Variants in CDH18 observed in about 807,000 individuals in gnomAD.
The protein encoded by CDH18 is cadherin 18.
CDH18 carries 31 observed loss-of-function variants against 67.9 expected under a neutral mutation model. The ratio of observed to expected loss-of-function variants is 0.46; its 90% CI spans 0.34 to 0.62. The LOEUF is 0.62. Ranked by LOEUF, CDH18 falls within the 20% of genes least tolerant of loss-of-function variation. The pLI is 0.01. For synonymous variants in CDH18, 362 were observed against 347.2 expected, an observed-to-expected ratio of 1.04 and a Z score of -0.48; for missense variants, 890 against 975.5, an observed-to-expected ratio of 0.91 and a Z score of 1.17.
intron 3 of CDH18, among the ~76,000 whole-genome samples, chr5:19,788,010 T>C (rs907473997): frequency 6.6e-6 from 1 of 152,110 alleles, no homozygotes; most frequent in African/African-American, 2.4e-5. Flanking sequence ...TTTCTTTCTC[T>C]TTCTCTTTCT....
chr5:19,810,257 G>C (rs1224073720), intron 3 of CDH18, among the ~76,000 whole-genome samples: 2 of 152,000 alleles, frequency 1.3e-5, no homozygotes, highest in Non-Finnish European at 2.9e-5. Context: ...CTTGAACTTG[G>C]GAGGTGGAGG....
intron 2 of CDH18, among the ~76,000 whole-genome samples, chr5:20,231,849 C>T (rs944162733): frequency 2.6e-5 from 4 of 151,728 alleles, no homozygotes; most frequent in Non-Finnish European, 4.4e-5. Flanking sequence ...TTTTCAATAT[C>T]GTAATTTTAA....
At chr5:20,278,709 A>C (rs1745995213) in intron 1 of CDH18, among the ~76,000 whole-genome samples, 2 of 152,150 alleles carry the variant, frequency 1.3e-5, no homozygotes, top group African/African-American at 4.8e-5. Context: ...CAAAGAACGA[A>C]CAGTTAAAAA....
At chr5:19,603,158 TAAATA>T (rs1307226938) in intron 6 of CDH18, among the ~76,000 whole-genome samples, 1 of 152,112 alleles carries the variant, frequency 6.6e-6, no homozygotes, top group African/African-American at 2.4e-5. Flanking sequence ...GTATACACAT[TAAATA>T]AAATATTAAT....
chr5:20,376,026 T>A (rs1336987403), intron 1 of CDH18, among the ~76,000 whole-genome samples: 2 of 148,670 alleles, frequency 1.3e-5, no homozygotes, highest in Non-Finnish European at 3.0e-5. Flanking sequence ...AAACACTGAA[T>A]AAAGCTGGCA....
At chr5:20,071,449 T>C (rs1743473424) in intron 2 of CDH18, among the ~76,000 whole-genome samples, 7 of 152,122 alleles carry the variant, frequency 4.6e-5, no homozygotes, top group Admixed American at 4.6e-4. Context: ...TCATGTCATT[T>C]AGTGCATGTT....
intron 2 of CDH18, among the ~76,000 whole-genome samples, chr5:20,122,647 A>T (rs2126424027): frequency 6.6e-6 from 1 of 151,796 alleles, no homozygotes; most frequent in African/African-American, 2.4e-5. Context: ...CCCATTAAAG[A>T]TTTGTCTTTA....
chr5:20,079,430 T>C (rs1744252757), intron 2 of CDH18, among the ~76,000 whole-genome samples: 1 of 152,198 alleles, frequency 6.6e-6, no homozygotes, highest in Admixed American at 6.5e-5. Flanking sequence ...GCATTATGTA[T>C]ATATAGCACA....
chr5:19,877,560 T>A (rs1186250888), intron 2 of CDH18, among the ~76,000 whole-genome samples: 1 of 152,124 alleles, frequency 6.6e-6, no homozygotes, highest in East Asian at 1.9e-4. Flanking sequence ...GTCATGTAAT[T>A]TTTTTATTGA....
chr5:19,649,259 T>C (rs1345403336), intron 5 of CDH18, among the ~76,000 whole-genome samples: 1 of 152,126 alleles, frequency 6.6e-6, no homozygotes, highest in Non-Finnish European at 1.5e-5. Context: ...TAGTATTTGT[T>C]TGTCCCTTAA....
chr5:20,433,626 C>A (rs1034426264), intron 1 of CDH18, among the ~76,000 whole-genome samples: 1 of 151,788 alleles, frequency 6.6e-6, no homozygotes, highest in African/African-American at 2.4e-5. Context: ...CAGGATTTGA[C>A]CTGTTAGGTT....
intron 1 of CDH18, among the ~76,000 whole-genome samples, chr5:20,496,515 A>G (rs2126414666): frequency 6.6e-6 from 1 of 152,294 alleles, no homozygotes; most frequent in East Asian, 1.9e-4. Context: ...TTTAAAATAT[A>G]CAATTGATAA....
At chr5:19,903,019 A>C in intron 2 of CDH18, among the ~76,000 whole-genome samples, 1 of 152,056 alleles carries the variant, frequency 6.6e-6, no homozygotes, top group Admixed American at 6.5e-5. Context: ...TCAAAATATA[A>C]AAATACATTA....
chr5:20,080,066 G>C (rs913287133), intron 2 of CDH18, among the ~76,000 whole-genome samples: 2 of 151,908 alleles, frequency 1.3e-5, no homozygotes, highest in African/African-American at 2.4e-5. Context: ...AATTTTGGGG[G>C]AACGCAAATA....
At chr5:19,803,763 A>G (rs1777714681) in intron 3 of CDH18, 1 of 152,176 alleles carries the variant, frequency 6.6e-6, no homozygotes, top group African/African-American at 2.4e-5. Flanking sequence ...ATTGTTTTCA[A>G]CCAAAAGACG....
intron 5 of CDH18, among the ~76,000 whole-genome samples, chr5:19,620,109 A>T (rs1388529682): frequency 6.6e-6 from 1 of 152,246 alleles, no homozygotes; most frequent in Non-Finnish European, 1.5e-5. Context: ...ATAAATTCAT[A>T]GAGGTAGACA....
At chr5:20,338,116 G>A (rs1222507882) in intron 1 of CDH18, among the ~76,000 whole-genome samples, 1 of 152,200 alleles carries the variant, frequency 6.6e-6, no homozygotes, top group Non-Finnish European at 1.5e-5. Context: ...AACAATAGGT[G>A]GGATTTCAAG....
intron 2 of CDH18, among the ~76,000 whole-genome samples, chr5:20,012,308 T>G (rs1737508946): frequency 6.6e-6 from 1 of 151,262 alleles, no homozygotes; most frequent in Admixed American, 6.6e-5. Context: ...TTATGTTTAC[T>G]TGAATCTTCT....
intron 11 of CDH18, among the ~76,000 whole-genome samples, chr5:19,497,146 C>G (rs770294): frequency 6.6e-6 from 1 of 151,508 alleles, no homozygotes. Flanking sequence ...AAAAAAAAGG[C>G]AAACAAACAA....
Sources: allele counts gnomAD v4.1 joint callset (sites outside exome capture counted in the v4.1 genomes callset), GRCh38; gene constraint gnomAD v4.1.1; transcripts MANE v1.5; gene names NCBI Gene and HGNC (gene_info 2026-07-23, HGNC 2026-07-21).